Variants in FGGY observed in about 807,000 individuals in gnomAD.
The protein encoded by FGGY is FGGY carbohydrate kinase domain-containing protein.
A neutral mutation model predicts 71.3 loss-of-function variants in FGGY; 72 were observed. The ratio of observed to expected loss-of-function variants is 1.01; its 90% confidence interval spans 0.84 to 1.23. The LOEUF is 1.23. Among genes scored for constraint, FGGY ranks in the 50% most tolerant of loss-of-function variants. The pLI is 0.00. For missense variants in FGGY, 668 were observed against 682.3 expected (o/e 0.98, Z 0.23); for synonymous variants, 251 against 250.3 (o/e 1.00, Z -0.02).
At chr1:59,507,454 C>CCAAGTTCACT (rs2094415542) in intron 6 of FGGY, among the ~76,000 whole-genome samples, 1 of 152,128 alleles carries the variant, frequency 6.6e-6, no homozygotes, top group Non-Finnish European at 1.5e-5. Flanking sequence ...CTTGGTTTGA[C>CCAAGTTCACT]TGTTTTAAAT....
intron 5 of FGGY, among the ~76,000 whole-genome samples, chr1:59,433,958 A>T (rs1342886507): frequency 6.6e-6 from 1 of 152,194 alleles, no homozygotes; most frequent in African/African-American, 2.4e-5. Flanking sequence ...TGAATTCAAG[A>T]TCTGCCATTT....
At chr1:59,614,775 T>G (rs1424761627) in intron 9 of FGGY, among the ~76,000 whole-genome samples, 1 of 152,196 alleles carries the variant, frequency 6.6e-6, no homozygotes, top group Non-Finnish European at 1.5e-5. Flanking sequence ...AAAATCTCCT[T>G]AAGCTGATAA....
chr1:59,432,349 G>A (rs2067553546), intron 5 of FGGY, among the ~76,000 whole-genome samples: 1 of 152,168 alleles, frequency 6.6e-6, no homozygotes, highest in Non-Finnish European at 1.5e-5. Context: ...TGAAAAAAGG[G>A]GGTTATGGGA....
At chr1:59,342,404 A>G (rs893671464) in intron 3 of FGGY, among the ~76,000 whole-genome samples, 2 of 152,146 alleles carry the variant, frequency 1.3e-5, no homozygotes, top group African/African-American at 4.8e-5. Flanking sequence ...TTTTTCTTTC[A>G]TTGTAGGTAG....
chr1:59,537,371 T>C (rs1406002474), intron 7 of FGGY, among the ~76,000 whole-genome samples: 1 of 152,172 alleles, frequency 6.6e-6, no homozygotes, highest in African/African-American at 2.4e-5. Flanking sequence ...TGGAAGAACA[T>C]TCCATGCTCG....
chr1:59,745,315 A>T (rs1207937), intron 14 of FGGY, among the ~76,000 whole-genome samples: 126,656 of 152,138 alleles, frequency 0.83, 52,761 homozygotes, highest in African/African-American at 0.87. Context: ...GGAGGGATAG[A>T]TGGATGGATA....
chr1:59,368,905 C>A lies in FGGY; in HGVS notation c.466-9844C>A, dbSNP rs1340325697. Among the ~76,000 whole-genome samples the A allele has an allele frequency of 2.6e-5, 4 of 152,070 alleles. No homozygotes were observed. The South Asian group carries it at 6.3e-4, about 24-fold the overall frequency. Reference sequence around the variant, plus strand: ...AGGAGTTCACGACCAGCCTGGCCAACATAGTGAAGCCCTGTCTCGGGGAGG... The same window carrying A: ...AGGAGTTCACGACCAGCCTGGCCAAAATAGTGAAGCCCTGTCTCGGGGAGG... On this transcript the variant is annotated intron_variant, in intron 4 of 15. Transcript: ENST00000303721.
chr1:59,402,879 A>G (rs1358408314), intron 5 of FGGY, among the ~76,000 whole-genome samples: 2 of 152,136 alleles, frequency 1.3e-5, no homozygotes, highest in African/African-American at 2.4e-5. Flanking sequence ...GCTCTGGAGT[A>G]CCCATCAAGT....
intron 14 of FGGY, chr1:59,755,180 C>G (rs149085827): frequency 7.6e-4 from 116 of 152,328 alleles, no homozygotes; most frequent in African/African-American, 2.7e-3. Flanking sequence ...CTTGCACATT[C>G]TTCAGGGTGG....
intron 6 of FGGY, chr1:59,474,071 ACT>A (rs2093137760): frequency 6.6e-6 from 1 of 152,004 alleles, no homozygotes; most frequent in African/African-American, 2.4e-5. Context: ...CTCCTGCATC[ACT>A]CTGTTCCAAC....
chr1:59,654,535 T>C (rs2097200564), intron 11 of FGGY, among the ~76,000 whole-genome samples: 1 of 152,226 alleles, frequency 6.6e-6, no homozygotes, highest in South Asian at 2.1e-4. Context: ...AAACTATTTT[T>C]AAGCCTTTTT....
intron 8 of FGGY, among the ~76,000 whole-genome samples, chr1:59,606,582 ATT>A (rs1250623883): frequency 2.6e-5 from 4 of 152,094 alleles, no homozygotes; most frequent in Non-Finnish European, 5.9e-5. Context: ...TAGTTGATTG[ATT>A]TAATTTTCCT....
chr1:59,637,081 C>T (rs2096967446), intron 10 of FGGY, among the ~76,000 whole-genome samples: 1 of 152,164 alleles, frequency 6.6e-6, no homozygotes, highest in African/African-American at 2.4e-5. Flanking sequence ...GACCAGCTTT[C>T]ATCTTTGTGT....
At position 59,352,595 on chromosome 1, in the gene FGGY, G is replaced by T. The variant is rs561377013; in HGVS notation, c.465+6197G>T. Among the ~76,000 whole-genome samples the T allele has an allele frequency of 7.6e-5, 11 of 145,098 alleles. No individual in the cohort carries two copies. In the East Asian group the frequency reaches 2.1e-3, roughly 28 times the overall value. On this transcript the variant is annotated intron_variant, in intron 4 of 15. Transcript: ENST00000303721. ...TGATTCTCCAATTGGTAGATTCTTT[G>T]GGGGGAACCTGGGGGTTTGGATGGC... is the stretch of plus-strand genomic sequence containing the variant.
chr1:59,665,337 A>G (rs12098113), intron 12 of FGGY, among the ~76,000 whole-genome samples: 4,711 of 152,192 alleles, frequency 0.031, 250 homozygotes, highest in African/African-American at 0.11. Context: ...AACACACTAC[A>G]TCTGTAGATT....
chr1:59,518,568 G>A (rs769374116), intron 7 of FGGY, among the ~76,000 whole-genome samples: 1 of 152,208 alleles, frequency 6.6e-6, no homozygotes, highest in Non-Finnish European at 1.5e-5. Flanking sequence ...TATCATGGTG[G>A]TGGATTTCTC....
chr1:59,381,149 A>C (rs543193100), intron 5 of FGGY, among the ~76,000 whole-genome samples: 53 of 152,076 alleles, frequency 3.5e-4, no homozygotes, highest in Non-Finnish European at 8.8e-5. Flanking sequence ...CCATTGGTCT[A>C]TATCTCTGTT....
intron 14 of FGGY, among the ~76,000 whole-genome samples, chr1:59,734,038 C>T (rs1244821044): frequency 4.6e-5 from 7 of 152,334 alleles, no homozygotes; most frequent in Middle Eastern, 3.4e-3. Context: ...GTGGGGTCCG[C>T]GTGGTATGGC....
intron 8 of FGGY, among the ~76,000 whole-genome samples, chr1:59,579,092 T>C (rs375197941): frequency 2.0e-5 from 3 of 152,144 alleles, no homozygotes; most frequent in African/African-American, 7.2e-5. Flanking sequence ...TTCGGGCTCC[T>C]GTGACCAGGG....
Sources: gnomAD v4.1 joint callset for allele counts (sites outside exome capture counted in the v4.1 genomes callset) on GRCh38, gnomAD v4.1.1 for gene constraint, MANE v1.5 for transcripts, NCBI Gene and HGNC (gene_info 2026-07-23, HGNC 2026-07-21) for gene names.